ULK4: variants seen among roughly 807,000 people sequenced by gnomAD.
ULK4 encodes the protein inactive serine/threonine-protein kinase ULK4.
A neutral mutation model predicts 160.6 loss-of-function variants in ULK4; 133 were observed. That is an observed-to-expected ratio of 0.83 (90% CI 0.72 to 0.96). The LOEUF (loss-of-function observed/expected upper bound fraction) is 0.96. Ranked by LOEUF, ULK4 falls within the 40% of genes least tolerant of loss-of-function variation. ULK4 has a pLI of 0.00. For missense variants in ULK4, 1,580 were observed against 1,499.5 expected (o/e 1.05, Z -0.89); for synonymous variants, 534 against 539.8 (o/e 0.99, Z 0.15).
At chr3:41,504,054 C>A (rs1208424606) in intron 32 of ULK4, among the ~76,000 whole-genome samples, 1 of 152,108 alleles carries the variant, frequency 6.6e-6, no homozygotes, top group Non-Finnish European at 1.5e-5. Context: ...AGAAATTTTT[C>A]TTTTGGGTCA....
At position 41,346,777 on chromosome 3, in the gene ULK4, G is replaced by T. The variant is rs144694867; in HGVS notation, c.3678+51302C>A. On this transcript the variant is annotated intron_variant, in intron 35 of 36. Coordinates refer to ENST00000301831, the MANE Select transcript of ULK4 (RefSeq NM_017886.4). ...ATTGAAAAAGAAGACAGCAAGCAGA[G>T]ATATTCTATCTTTGAGCTCTCTTTT... is the stretch of plus-strand genomic sequence containing the variant. 9.9e-3 allele frequency among the ~76,000 whole-genome samples: 1,503 copies of T among 152,286 alleles called. 18 individuals are homozygous for T. The highest frequency in any genetic ancestry group is 0.034 in the African/African-American group (1,417 of 41,556).
intron 7 of ULK4, among the ~76,000 whole-genome samples, chr3:41,917,985 T>C (rs1368653192): frequency 7.4e-6 from 1 of 134,956 alleles, no homozygotes; most frequent in Non-Finnish European, 1.6e-5. Flanking sequence ...AGACTCTGTC[T>C]CAAAAATAAA....
intron 34 of ULK4, among the ~76,000 whole-genome samples, chr3:41,446,699 G>A (rs1374456937): frequency 1.4e-5 from 2 of 142,610 alleles, no homozygotes; most frequent in African/African-American, 2.7e-5. Flanking sequence ...GACACAGGAA[G>A]GGGAATATCA....
intron 34 of ULK4, among the ~76,000 whole-genome samples, chr3:41,442,347 A>G (rs1197357710): frequency 6.6e-6 from 1 of 152,192 alleles, no homozygotes; most frequent in African/African-American, 2.4e-5. Flanking sequence ...CCTTAAAGAA[A>G]ATCTGAAATA....
intron 35 of ULK4, among the ~76,000 whole-genome samples, chr3:41,328,065 C>T (rs1313387050): frequency 6.6e-6 from 1 of 152,136 alleles, no homozygotes; most frequent in Non-Finnish European, 1.5e-5. Flanking sequence ...GATGTCAGAC[C>T]CCTGCAGGAT....
intron 32 of ULK4, among the ~76,000 whole-genome samples, chr3:41,552,348 A>G (rs765592587): frequency 9.9e-5 from 15 of 152,056 alleles, no homozygotes; most frequent in Non-Finnish European, 2.1e-4. Flanking sequence ...ATATAATCTT[A>G]TATCTAAAAA....
At chr3:41,919,924 A>C in intron 5 of ULK4, 106 bp from the exon 6 acceptor site, 1 of 593,444 alleles carries the variant, frequency 1.7e-6, no homozygotes, top group Non-Finnish European at 3.0e-6. Flanking sequence ...GGAGAAAAAC[A>C]TGCGCATGAA....
At chr3:41,376,280 T>A (rs2081491707) in intron 35 of ULK4, among the ~76,000 whole-genome samples, 1 of 150,134 alleles carries the variant, frequency 6.7e-6, no homozygotes, top group African/African-American at 2.5e-5. Flanking sequence ...TGGGTACATA[T>A]CCAAAGGATC....
At chr3:41,293,977 G>T (rs2079621330) in intron 35 of ULK4, among the ~76,000 whole-genome samples, 1 of 152,198 alleles carries the variant, frequency 6.6e-6, no homozygotes, top group Non-Finnish European at 1.5e-5. Context: ...ATGAAGGTGT[G>T]GAACAGTGTG....
chr3:41,892,360 G>T (rs920347924), intron 16 of ULK4, among the ~76,000 whole-genome samples: 2 of 152,166 alleles, frequency 1.3e-5, no homozygotes, highest in African/African-American at 4.8e-5. Context: ...CACCCATCAG[G>T]ATAGCTGTTA....
chr3:41,331,245 A>G (rs1003434056), intron 35 of ULK4, among the ~76,000 whole-genome samples: 9 of 152,274 alleles, frequency 5.9e-5, no homozygotes, highest in South Asian at 2.1e-4. Flanking sequence ...CTGGCCCACA[A>G]CTGAGGAAAT....
chr3:41,573,009 G>A (rs1262267), intron 31 of ULK4, among the ~76,000 whole-genome samples: 63,730 of 151,934 alleles, frequency 0.42, 14,839 homozygotes, highest in Middle Eastern at 0.52. Flanking sequence ...AGATTATGAC[G>A]AAAATATTTA....
chr3:41,723,949 T>C (rs993836551), intron 22 of ULK4, among the ~76,000 whole-genome samples: 2 of 152,052 alleles, frequency 1.3e-5, no homozygotes, highest in Non-Finnish European at 2.9e-5. Context: ...GCCAGAGACA[T>C]TCATGCTAAA....
chr3:41,858,450 C>T (rs2042421334), intron 17 of ULK4, among the ~76,000 whole-genome samples: 1 of 151,564 alleles, frequency 6.6e-6, no homozygotes, highest in African/African-American at 2.4e-5. Context: ...CCATGCCCAG[C>T]CTCCCAAAGG....
chr3:41,544,123 G>A (rs1175157626), intron 32 of ULK4, among the ~76,000 whole-genome samples: 1 of 152,140 alleles, frequency 6.6e-6, no homozygotes, highest in East Asian at 1.9e-4. Context: ...GTTGAAAACT[G>A]AACATCTTGG....
At chr3:41,621,254 G>GA (rs1273261294) in intron 30 of ULK4, among the ~76,000 whole-genome samples, 3 of 152,008 alleles carry the variant, frequency 2.0e-5, no homozygotes, top group Non-Finnish European at 4.4e-5. Flanking sequence ...CATGGAATTA[G>GA]AAAAAACCAT....
At chr3:41,886,960 C>G (rs576550003) in intron 16 of ULK4, among the ~76,000 whole-genome samples, 22 of 152,320 alleles carry the variant, frequency 1.4e-4, no homozygotes, top group African/African-American at 5.3e-4. Context: ...CTTCCAAGCA[C>G]AGAGAGAAGG....
At chr3:41,781,777 A>G (rs1465860577) in intron 21 of ULK4, among the ~76,000 whole-genome samples, 1 of 152,084 alleles carries the variant, frequency 6.6e-6, no homozygotes, top group African/African-American at 2.4e-5. Context: ...CAGCTCTACT[A>G]AAAATACAAA....
Position 41,597,335 on chromosome 3 carries a change from T to C in ULK4, c.3120+18334A>G, listed in dbSNP as rs184397643. The stretch of plus-strand genomic sequence containing the variant: ...CTTTCTCTGTGTGGACCAAGGGAGA[T>C]ACATTGGTGGCTTTTTTCCCTTTAG... On this transcript the variant is annotated intron_variant, in intron 31 of 36. Transcript: ENST00000301831. Among the ~76,000 whole-genome samples, 122 of 152,276 alleles carry C rather than the reference T, an allele frequency of 8.0e-4. 1 individual carries two copies. The highest frequency in any genetic ancestry group is 2.8e-3 in the African/African-American group (117 of 41,554).
Sources: gnomAD v4.1 joint callset for allele counts (sites outside exome capture counted in the v4.1 genomes callset) on GRCh38, gnomAD v4.1.1 for gene constraint, MANE v1.5 for transcripts, NCBI Gene and HGNC (gene_info 2026-07-23, HGNC 2026-07-21) for gene names.